The following AGO3 variants were observed in gnomAD, a reference collection of about 807,000 sequenced individuals.
AGO3 encodes the protein argonaute RISC catalytic component 3, also known as protein argonaute-3.
AGO3 carries 16 observed loss-of-function variants against 105.5 expected under a neutral mutation model. That is an observed-to-expected ratio of 0.15 (90% CI 0.10 to 0.23). The LOEUF (loss-of-function observed/expected upper bound fraction) is 0.23, where lower values mean the gene tolerates loss of function less well. AGO3 is among the 10% of genes least tolerant of loss of function. The pLI is 1.00. For missense variants in AGO3, 534 were observed against 1,088.0 expected (o/e 0.49, Z 7.16); for synonymous variants, 340 against 367.3 (o/e 0.93, Z 0.85).
chr1:36,033,670 C>T lies in AGO3; in HGVS notation c.1592-504C>T, dbSNP rs1054390031. Among the ~76,000 whole-genome samples, 10 of 151,034 alleles carry T rather than the reference C, an allele frequency of 6.6e-5. No individual in the cohort carries two copies. The South Asian group carries it at 1.9e-3, about 28-fold the overall frequency. The stretch of plus-strand genomic sequence containing the variant: ...AAAAAAAAAAAAAAGTTATATACAC[C>T]GAAATATTTATGATGGTTATAATGG... On this transcript the variant is annotated intron_variant, in intron 12 of 18. Coordinates refer to ENST00000373191, the MANE Select transcript of AGO3 (RefSeq NM_024852.4).
At chr1:36,000,113 T>C (rs1037639333) in intron 5 of AGO3, among the ~76,000 whole-genome samples, 1 of 152,136 alleles carries the variant, frequency 6.6e-6, no homozygotes, top group Non-Finnish European at 1.5e-5. Flanking sequence ...AACATGTTAA[T>C]GTAGTATATT....
chr1:36,040,260 A>G, intron 15 of AGO3, 47 bp from the exon 16 acceptor site: 1 of 1,581,430 alleles, frequency 6.3e-7, no homozygotes. Context: ...AAGTATATAA[A>G]AACAAATAGC....
At chr1:35,941,028 A>C (rs138994225) in intron 1 of AGO3, among the ~76,000 whole-genome samples, 1 of 152,106 alleles carries the variant, frequency 6.6e-6, no homozygotes, top group Non-Finnish European at 1.5e-5. Context: ...CTCCACACTC[A>C]TCTAACTGCT....
chr1:36,034,232 C>T lies in AGO3; in HGVS notation c.1650C>T (p.Val550=), dbSNP rs144600568. The change falls in exon 13 of 19, where the codon GTC becomes GTT. Residue 550 remains valine (V), a synonymous_variant. Transcript: ENST00000373191. The part of the protein sequence containing the change: ...LLGMATQCVQ[V]KNVIKTSPQT... ...GTATGGCTACACAATGTGTTCAAGT[C>T]AAGAATGTAATAAAAACATCTCCTC... 4.7e-5 allele frequency: 76 copies of T among 1,605,446 alleles called. No individual in the cohort carries two copies. The highest frequency in any genetic ancestry group is 4.3e-6 in the Non-Finnish European group (5 of 1,176,148).
intron 4 of AGO3, among the ~76,000 whole-genome samples, chr1:35,972,857 T>A (rs867742740): frequency 0.023 from 2,421 of 104,034 alleles, 24 homozygotes; most frequent in Non-Finnish European, 0.029. Flanking sequence ...TAAAAAAAAA[T>A]TTTTTTTTTT....
Position 36,029,625 on chromosome 1 carries a change from T to C in AGO3, c.1591+2327T>C, listed in dbSNP as rs369309964. Among the ~76,000 whole-genome samples, 7 of 151,768 alleles carry C rather than the reference T, an allele frequency of 4.6e-5. No homozygotes were observed. The East Asian group carries it at 7.7e-4, about 17-fold the overall frequency. On this transcript the variant is annotated intron_variant, in intron 12 of 18. Coordinates refer to ENST00000373191, the MANE Select transcript of AGO3 (RefSeq NM_024852.4). ...GTTAGCCAGGATGGTCTCAATCTCA[T>C]GACCTTGTGATCCTCCCGCCTCAGC...
At chr1:36,016,753 C>T (rs530807111) in intron 11 of AGO3, among the ~76,000 whole-genome samples, 1 of 152,166 alleles carries the variant, frequency 6.6e-6, no homozygotes, top group South Asian at 2.1e-4. Flanking sequence ...TAGAGGGGAC[C>T]TCCTTGTGCT....
chr1:35,989,470 T>TA (rs1304852036), intron 5 of AGO3, among the ~76,000 whole-genome samples: 1 of 152,240 alleles, frequency 6.6e-6, no homozygotes, highest in African/African-American at 2.4e-5. Context: ...TGGTGCAGCT[T>TA]ACCATCAATG....
chr1:35,939,731 C>T (rs1022233647), intron 1 of AGO3, among the ~76,000 whole-genome samples: 4 of 151,928 alleles, frequency 2.6e-5, no homozygotes, highest in Non-Finnish European at 4.4e-5. Context: ...AAGGAAATGG[C>T]CATTTCTCTC....
At chr1:36,045,683 T>C (rs1036759938) in intron 17 of AGO3, among the ~76,000 whole-genome samples, 8 of 151,920 alleles carry the variant, frequency 5.3e-5, no homozygotes, top group Non-Finnish European at 1.0e-4. Context: ...GCTGGAATTA[T>C]AGGCTTCTGC....
intron 5 of AGO3, among the ~76,000 whole-genome samples, chr1:35,992,648 C>A (rs1424612018): frequency 6.6e-6 from 1 of 152,176 alleles, no homozygotes; most frequent in East Asian, 1.9e-4. Flanking sequence ...TCTGGTTTAT[C>A]TCTAAATTTC....
chr1:36,013,342 T>G (rs1250410570), intron 9 of AGO3: 1 of 223,096 alleles, frequency 4.5e-6, no homozygotes, highest in African/African-American at 2.3e-5. Flanking sequence ...CCCAAAATGC[T>G]GAGATCACAG....
intron 5 of AGO3, among the ~76,000 whole-genome samples, chr1:35,995,002 C>G (rs982386579): frequency 6.6e-6 from 1 of 151,676 alleles, no homozygotes; most frequent in Non-Finnish European, 1.5e-5. Flanking sequence ...AGTTTGCGAC[C>G]AGCCTGGGCA....
chr1:36,071,608 T>TGCCTG lies in AGO3; in HGVS notation c.*15873_*15877dup, dbSNP rs1643167870. ...TCATCTTCCCTTCCCCTCTGTCTTA[T>TGCCTG]GCCTGGCCTGGCCTTTTTTGTTGTT... On this transcript the variant is annotated 3_prime_UTR_variant, in exon 19 of 19. Coordinates refer to ENST00000373191, the MANE Select transcript of AGO3 (RefSeq NM_024852.4). 6.6e-6 allele frequency: 1 copy of TGCCTG among 152,220 alleles called. No homozygotes were observed. Among genetic ancestry groups the TGCCTG allele is most frequent in the Non-Finnish European group, 1.5e-5 (1 of 68,038 alleles). 9.4% of individuals were successfully genotyped at this position (152,220 alleles called of 1,614,324 possible). A position where few individuals can be genotyped will look rare whatever the true frequency, so the allele number is the denominator to read the frequency against.
At position 36,069,760 on chromosome 1, in the gene AGO3, A is replaced by C. The variant is rs1361202562; in HGVS notation, c.*14015A>C. 6.6e-6 allele frequency: 1 copy of C among 152,238 alleles called. No homozygotes were observed. Among genetic ancestry groups the C allele is most frequent in the Non-Finnish European group, 1.5e-5 (1 of 68,042 alleles). The allele number at this position is 152,238 out of a possible 1,614,324, so 9.4% of individuals were successfully genotyped here. ...TTAGATTAATGTGGTGAAAACCATC[A>C]AATACTTAGAAATTGACTGGGTGCG... On this transcript the variant is annotated 3_prime_UTR_variant, in exon 19 of 19. Transcript: ENST00000373191.
chr1:36,051,192 C>G (rs1642703222), intron 17 of AGO3, among the ~76,000 whole-genome samples: 1 of 152,134 alleles, frequency 6.6e-6, no homozygotes, highest in Non-Finnish European at 1.5e-5. Flanking sequence ...GCCTCGGCCT[C>G]CCAAAGTACT....
chr1:35,970,257 C>T (rs779802675), intron 3 of AGO3, among the ~76,000 whole-genome samples: 8 of 152,046 alleles, frequency 5.3e-5, no homozygotes, highest in Non-Finnish European at 7.4e-5. Flanking sequence ...ATAAATAAAA[C>T]GGACAATAAA....
intron 5 of AGO3, among the ~76,000 whole-genome samples, chr1:35,995,051 A>AG (rs1648151236): frequency 6.6e-6 from 1 of 151,738 alleles, no homozygotes; most frequent in African/African-American, 2.4e-5. Context: ...TACAAAAAAA[A>AG]TTAGCCGGGC....
At chr1:35,945,542 A>G (rs953368728) in intron 1 of AGO3, 150 bp from the exon 2 acceptor site, 21 of 745,554 alleles carry the variant, frequency 2.8e-5, no homozygotes, top group Middle Eastern at 4.2e-4. Flanking sequence ...CTGGGGTGAC[A>G]GAAGTTGAAG....
Sources: gnomAD v4.1 joint callset for allele counts (sites outside exome capture counted in the v4.1 genomes callset) on GRCh38, gnomAD v4.1.1 for gene constraint, MANE v1.5 for transcripts, NCBI Gene and HGNC (gene_info 2026-07-23, HGNC 2026-07-21) for gene names.